MGAT4C: variants seen among roughly 807,000 people sequenced by gnomAD.
MGAT4C encodes the protein MGAT4 family member C.
A neutral mutation model predicts 40.1 loss-of-function variants in MGAT4C; 19 were observed. The observed-to-expected ratio is 0.47, with a 90% CI of 0.33 to 0.70. The LOEUF (loss-of-function observed/expected upper bound fraction) is 0.70, where lower values mean the gene tolerates loss of function less well. MGAT4C is among the 30% of genes least tolerant of loss of function. The pLI, the probability that MGAT4C is intolerant of heterozygous loss-of-function variation, is 0.02. For synonymous variants in MGAT4C, 181 were observed against 187.1 expected, an observed-to-expected ratio of 0.97 and a Z score of 0.27; for missense variants, 491 against 563.2, an observed-to-expected ratio of 0.87 and a Z score of 1.30.
intron 4 of MGAT4C, among the ~76,000 whole-genome samples, chr12:86,323,986 G>A (rs983717866): frequency 3.2e-4 from 48 of 151,854 alleles, no homozygotes; most frequent in African/African-American, 9.6e-4. Context: ...AAGCTATTAC[G>A]AATCAAAAGA....
intron 1 of MGAT4C, among the ~76,000 whole-genome samples, chr12:86,832,093 G>C (rs940144212): frequency 7.5e-5 from 11 of 147,624 alleles, no homozygotes; most frequent in Non-Finnish European, 1.4e-4. Context: ...AAAAAATACT[G>C]TAGGCACATC....
chr12:86,834,612 C>CCACACA (rs148269576), intron 1 of MGAT4C, among the ~76,000 whole-genome samples: 116 of 148,288 alleles, frequency 7.8e-4, no homozygotes, highest in Admixed American at 3.7e-3. Context: ...CCCCCAACCA[C>CCACACA]CACACACACA....
chr12:86,630,383 A>T (rs1264650432), intron 2 of MGAT4C, among the ~76,000 whole-genome samples: 1 of 152,212 alleles, frequency 6.6e-6, no homozygotes. Context: ...AAAAGAGGGA[A>T]TCCTCCCTAA....
chr12:86,731,007 A>C (rs1267921182), intron 1 of MGAT4C, among the ~76,000 whole-genome samples: 2 of 152,102 alleles, frequency 1.3e-5, no homozygotes, highest in Non-Finnish European at 2.9e-5. Flanking sequence ...GCTTTTGGTC[A>C]ACTAGTTAGT....
chr12:86,591,218 C>T (rs1310507483), intron 2 of MGAT4C, among the ~76,000 whole-genome samples: 1 of 151,944 alleles, frequency 6.6e-6, no homozygotes, highest in South Asian at 2.1e-4. Flanking sequence ...CAAATAGTAA[C>T]TTCCATCTAC....
intron 3 of MGAT4C, among the ~76,000 whole-genome samples, chr12:86,367,101 C>T (rs1955614246): frequency 6.6e-6 from 1 of 151,970 alleles, no homozygotes; most frequent in South Asian, 2.1e-4. Context: ...GGAGCACTGT[C>T]ATCTCAGACA....
rs967431005 is a variant in MGAT4C, at chr12:86,503,936, C to G, written c.-228-68671G>C. On this transcript the variant is annotated intron_variant, in intron 2 of 7. Coordinates refer to the MGAT4C transcript ENST00000548651. The stretch of plus-strand genomic sequence containing the variant: ...TGAAATTTATATATTCAACAAACAA[C>G]TTACGTTTAAAACCTTCCTACAAAA... Among the ~76,000 whole-genome samples the G allele has an allele frequency of 3.3e-5, 5 of 150,318 alleles. No homozygotes were observed. In the East Asian group the frequency reaches 9.9e-4, roughly 30 times the overall value.
chr12:86,699,938 G>A (rs1565933685), intron 2 of MGAT4C, among the ~76,000 whole-genome samples: 1 of 151,770 alleles, frequency 6.6e-6, no homozygotes, highest in Non-Finnish European at 1.5e-5. Flanking sequence ...AGGCAAGAGA[G>A]GTAGGAGCAC....
At chr12:86,457,426 T>G (rs1485114188) in intron 2 of MGAT4C, among the ~76,000 whole-genome samples, 1 of 152,132 alleles carries the variant, frequency 6.6e-6, no homozygotes, top group Non-Finnish European at 1.5e-5. Flanking sequence ...ATAGACTTTT[T>G]AATTGTCTCA....
In MGAT4C at chr12:86,309,574, C is replaced by T. The variant is rs1383906793; in HGVS notation, c.-57+24491G>A. On this transcript the variant is annotated intron_variant, in intron 4 of 7. Coordinates refer to the MGAT4C transcript ENST00000548651. ...AGCCTAAATTCATGCGGGCTCTGCCCTCATGACTTAATCATTTTCTAAAGG... is the reference window on the plus strand; with the variant it reads ...AGCCTAAATTCATGCGGGCTCTGCCTTCATGACTTAATCATTTTCTAAAGG... Among the ~76,000 whole-genome samples the T allele has an allele frequency of 2.0e-5, 3 of 152,174 alleles. No individual in the cohort carries two copies. In the South Asian group the frequency reaches 6.2e-4, roughly 32 times the overall value.
At chr12:86,807,587 A>C (rs1952383207) in intron 1 of MGAT4C, among the ~76,000 whole-genome samples, 1 of 152,064 alleles carries the variant, frequency 6.6e-6, no homozygotes, top group Admixed American at 6.6e-5. Flanking sequence ...AATGAAAGTA[A>C]GTGTGCATGT....
chr12:86,046,590 C>T (rs535415420), intron 2 of MGAT4C, among the ~76,000 whole-genome samples: 1 of 152,128 alleles, frequency 6.6e-6, no homozygotes, highest in Non-Finnish European at 1.5e-5. Context: ...GAATTACCCA[C>T]GCAACCTATA....
At chr12:86,341,142 A>G (rs1432900369) in intron 3 of MGAT4C, among the ~76,000 whole-genome samples, 1 of 152,126 alleles carries the variant, frequency 6.6e-6, no homozygotes, top group Non-Finnish European at 1.5e-5. Flanking sequence ...ACCCACAGAG[A>G]ATGAAGCAAA....
At chr12:86,823,102 A>G (rs1451847429) in intron 1 of MGAT4C, among the ~76,000 whole-genome samples, 1 of 151,106 alleles carries the variant, frequency 6.6e-6, no homozygotes, top group Admixed American at 6.6e-5. Context: ...ACAACACAGT[A>G]AAACTAATGA....
chr12:86,731,711 G>A (rs903420466), intron 1 of MGAT4C, among the ~76,000 whole-genome samples: 2 of 151,794 alleles, frequency 1.3e-5, no homozygotes, highest in Non-Finnish European at 2.9e-5. Context: ...TGCTTGTAGT[G>A]ACTGAAGACA....
At chr12:86,273,843 A>G (rs1407973928) in intron 4 of MGAT4C, among the ~76,000 whole-genome samples, 1 of 152,178 alleles carries the variant, frequency 6.6e-6, no homozygotes, top group African/African-American at 2.4e-5. Context: ...GTTTTAATCC[A>G]ACAGAAACTT....
At chr12:86,365,897 T>C (rs886817825) in intron 3 of MGAT4C, among the ~76,000 whole-genome samples, 3 of 152,192 alleles carry the variant, frequency 2.0e-5, no homozygotes, top group African/African-American at 7.2e-5. Context: ...AAATAAATTT[T>C]AGAATAGGTT....
At chr12:86,151,889 T>G (rs534868036) in intron 1 of MGAT4C, among the ~76,000 whole-genome samples, 1 of 152,366 alleles carries the variant, frequency 6.6e-6, no homozygotes, top group East Asian at 1.9e-4. Flanking sequence ...AACCTTGTTT[T>G]CTTCAAATTC....
intron 1 of MGAT4C, among the ~76,000 whole-genome samples, chr12:86,811,514 GTAT>G (rs1952474362): frequency 6.6e-6 from 1 of 150,376 alleles, no homozygotes; most frequent in South Asian, 2.1e-4. Context: ...GCAAATTTTT[GTAT>G]TTTTAGTGGA....
Sources: gnomAD v4.1 joint callset for allele counts (sites outside exome capture counted in the v4.1 genomes callset) on GRCh38, gnomAD v4.1.1 for gene constraint, MANE v1.5 for transcripts, NCBI Gene and HGNC (gene_info 2026-07-23, HGNC 2026-07-21) for gene names.